MIS18BP1: variants seen among roughly 807,000 people sequenced by gnomAD.
The protein encoded by MIS18BP1 is mis18-binding protein 1.
In MIS18BP1, 72 loss-of-function variants were observed where a neutral mutation model predicts 116.1. That is an observed-to-expected ratio of 0.62 (90% CI 0.51 to 0.75). MIS18BP1 has a LOEUF of 0.75. MIS18BP1 is among the 30% of genes least tolerant of loss of function. MIS18BP1 has a pLI of 0.00. For missense variants in MIS18BP1, 1,363 were observed against 1,303.2 expected (o/e 1.05, Z -0.71); for synonymous variants, 386 against 427.0 (o/e 0.90, Z 1.18).
chr14:45,213,435 A>G (rs1594501478), intron 13 of MIS18BP1, among the ~76,000 whole-genome samples: 1 of 152,354 alleles, frequency 6.6e-6, no homozygotes, highest in African/African-American at 2.4e-5. Context: ...CTTAGCCTTT[A>G]AAAGACTTAA....
chr14:45,233,387 G>A (rs2139210594), intron 6 of MIS18BP1, among the ~76,000 whole-genome samples: 1 of 152,236 alleles, frequency 6.6e-6, no homozygotes, highest in African/African-American at 2.4e-5. Context: ...AGGCCTTAGA[G>A]TCATTTTATA....
intron 4 of MIS18BP1, among the ~76,000 whole-genome samples, chr14:45,240,007 C>CA (rs1329725412): frequency 6.6e-6 from 1 of 152,118 alleles, no homozygotes; most frequent in Non-Finnish European, 1.5e-5. Flanking sequence ...CACATTTTCT[C>CA]ACATTTTCAA....
chr14:45,213,695 A>G (rs936718784), intron 13 of MIS18BP1, among the ~76,000 whole-genome samples: 2 of 152,226 alleles, frequency 1.3e-5, no homozygotes, highest in East Asian at 3.9e-4. Flanking sequence ...CTTAGCCGTT[A>G]GTAGGAACCC....
Position 45,247,056 on chromosome 14 carries a change from T to C in MIS18BP1, c.231A>G (p.Ser77=), listed in dbSNP as rs779808212. 3.1e-6 allele frequency: 5 copies of C among 1,613,296 alleles called. No individual in the cohort carries two copies. The East Asian group carries it at 8.9e-5, about 29-fold the overall frequency. Residue 77 remains serine, a synonymous_variant, in exon 2 of 17, where the codon TCA becomes TCG. Coordinates refer to ENST00000310806, the MANE Select transcript of MIS18BP1 (RefSeq NM_018353.5). ...TTFNNKNIFQ[S]TMLTEATTSN... ...AGGTAGTAGCCTCTGTTAGCATAGT[T>C]GATTGAAATATATTTTTATTGTTAA...
At chr14:45,248,108 C>A (rs1158469361) in intron 1 of MIS18BP1, among the ~76,000 whole-genome samples, 2 of 146,744 alleles carry the variant, frequency 1.4e-5, no homozygotes, top group African/African-American at 5.0e-5. Context: ...TCTTGTTGCC[C>A]AGGCTGGAGT....
intron 14 of MIS18BP1, chr14:45,210,147 G>C: frequency 5.9e-6 from 2 of 339,958 alleles, no homozygotes; most frequent in Non-Finnish European, 5.2e-6. Context: ...GTAAAACCTT[G>C]ATCCATTTCG....
At position 45,243,913 on chromosome 14, in the gene MIS18BP1, T is replaced by C. The variant is rs143125816; in HGVS notation, c.545-1039A>G. 2.3e-3 allele frequency among the ~76,000 whole-genome samples: 355 copies of C among 152,304 alleles called. 1 individual carries two copies. Among genetic ancestry groups the C allele is most frequent in the African/African-American group, 8.2e-3 (342 of 41,578 alleles). ...GGAAAGGGTCACCAGATTCTCAAAATGGTCAGGTATTTCTTACTCTCAAAT... is the reference window on the plus strand; with the variant it reads ...GGAAAGGGTCACCAGATTCTCAAAACGGTCAGGTATTTCTTACTCTCAAAT... On this transcript the variant is annotated intron_variant, in intron 2 of 16. Transcript: ENST00000310806.
chr14:45,204,162 A>G lies in MIS18BP1; in HGVS notation c.3346T>C (p.Ser1116Pro). 2 of 1,611,838 alleles carry G rather than the reference A, an allele frequency of 1.2e-6. No homozygotes were observed. Among genetic ancestry groups the G allele is most frequent in the Non-Finnish European group, 1.7e-6 (2 of 1,179,086 alleles). ...IGKLFTNAVE[S>P]LDEEEKDYYF... The stretch of plus-strand genomic sequence containing the variant: ...TAATCTTTCTCTTCTTCATCTAAAG[A>G]TTCCACAGCATTAGTGAAAAGTTTT... Residue 1116 changes from serine to proline, a missense_variant, in exon 17 of 17, where the codon TCT becomes CCT. By Grantham distance (74) the Ser-to-Pro change is moderately conservative. Transcript: ENST00000310806.
chr14:45,237,965 A>G (rs1891473448), intron 4 of MIS18BP1, among the ~76,000 whole-genome samples: 1 of 152,236 alleles, frequency 6.6e-6, no homozygotes, highest in Admixed American at 6.5e-5. Context: ...AAGCAATTAT[A>G]CTTCAAATAC....
At chr14:45,237,872 G>A (rs1891470558) in intron 4 of MIS18BP1, 151 bp from the exon 5 acceptor site, 2 of 1,148,430 alleles carry the variant, frequency 1.7e-6, no homozygotes, top group Non-Finnish European at 1.1e-6. Flanking sequence ...ATTCTAAATA[G>A]CAATAGGTAA....
At chr14:45,221,609 CAG>C (rs1182159197) in intron 11 of MIS18BP1, among the ~76,000 whole-genome samples, 14 of 152,080 alleles carry the variant, frequency 9.2e-5, no homozygotes, top group Admixed American at 7.2e-4. Context: ...CAATTATCAT[CAG>C]AGAATATGCT....
intron 2 of MIS18BP1, among the ~76,000 whole-genome samples, 180 bp from the exon 3 acceptor site, chr14:45,243,054 C>T (rs1396597246): frequency 6.6e-6 from 1 of 152,124 alleles, no homozygotes; most frequent in Non-Finnish European, 1.5e-5. Context: ...ATTATCTTCT[C>T]ATACCTTTAC....
intron 2 of MIS18BP1, among the ~76,000 whole-genome samples, chr14:45,244,601 G>A (rs551704455): frequency 5.3e-5 from 8 of 152,072 alleles, no homozygotes; most frequent in Non-Finnish European, 1.0e-4. Flanking sequence ...AGCAAAACAG[G>A]GCTAAAGGAA....
At chr14:45,218,225 AGT>A in intron 12 of MIS18BP1, 55 bp downstream of exon 12, 1 of 1,456,814 alleles carries the variant, frequency 6.9e-7, no homozygotes, top group Non-Finnish European at 9.4e-7. Context: ...ATCTGATTTC[AGT>A]GATCAGAAAT....
chr14:45,227,549 G>GAAAAAA, intron 9 of MIS18BP1, 114 bp downstream of exon 9: 1 of 645,806 alleles, frequency 1.5e-6, no homozygotes, highest in South Asian at 2.6e-5. Context: ...CATCTCAAAA[G>GAAAAAA]AAAAAAAAAA....
chr14:45,209,276 A>G (rs534383211), intron 14 of MIS18BP1, among the ~76,000 whole-genome samples: 2 of 152,222 alleles, frequency 1.3e-5, no homozygotes, highest in South Asian at 4.1e-4. Flanking sequence ...CCTTTGTTTC[A>G]TTTAATATAT....
intron 5 of MIS18BP1, among the ~76,000 whole-genome samples, chr14:45,236,392 T>C (rs927956808): frequency 6.6e-6 from 1 of 152,188 alleles, no homozygotes; most frequent in African/African-American, 2.4e-5. Flanking sequence ...TTACCTTTCA[T>C]TTTGGAAGGT....
intron 14 of MIS18BP1, 22 bp downstream of exon 14, chr14:45,210,358 T>C: frequency 6.2e-7 from 1 of 1,609,098 alleles, no homozygotes; most frequent in Non-Finnish European, 8.5e-7. Context: ...AGAATTAACA[T>C]ATCATATGCA....
intron 1 of MIS18BP1, among the ~76,000 whole-genome samples, chr14:45,248,362 C>T (rs1404988496): frequency 2.0e-5 from 3 of 151,948 alleles, no homozygotes; most frequent in South Asian, 4.1e-4. Context: ...CCACCGCGCC[C>T]GGCCACAACT....
Sources: allele counts gnomAD v4.1 joint callset (sites outside exome capture counted in the v4.1 genomes callset), GRCh38; gene constraint gnomAD v4.1.1; transcripts MANE v1.5; gene names NCBI Gene and HGNC (gene_info 2026-07-23, HGNC 2026-07-21).